The following CPSF3 variants were observed in gnomAD, a reference collection of about 807,000 sequenced individuals.
CPSF3 encodes cleavage and polyadenylation specific factor 3.
CPSF3 carries 57 observed loss-of-function variants against 84.1 expected under a neutral mutation model. The observed-to-expected ratio is 0.68, with a 90% confidence interval of 0.55 to 0.85. CPSF3 has a LOEUF of 0.85. Ranked by LOEUF, CPSF3 falls within the 40% of genes least tolerant of loss-of-function variation. The pLI, the probability that CPSF3 is intolerant of heterozygous loss-of-function variation, is 0.00. For synonymous variants in CPSF3, 275 were observed against 278.1 expected (o/e 0.99, Z 0.11); for missense variants, 522 against 838.8 (o/e 0.62, Z 4.66).
intron 14 of CPSF3, among the ~76,000 whole-genome samples, chr2:9,457,427 C>T (rs2124852658): frequency 6.6e-6 from 1 of 152,144 alleles, no homozygotes; most frequent in East Asian, 1.9e-4. Context: ...TTAGGTACCA[C>T]TCGTTAAAAG....
At position 9,423,756 on chromosome 2, in the gene CPSF3, C is replaced by T. The variant is rs192112595; in HGVS notation, c.-18C>T. The T allele has an allele frequency of 8.2e-5, 133 of 1,613,014 alleles. No homozygotes were observed. Among genetic ancestry groups the T allele is most frequent in the Non-Finnish European group, 1.1e-4 (127 of 1,179,510 alleles). The stretch of plus-strand genomic sequence containing the variant: ...GGCGACCTGTTCCTCACCCCCGCTT[C>T]GCCCTCACACTTTCGGGATGTCTGC... On this transcript the variant is annotated 5_prime_UTR_variant, in exon 1 of 18. Coordinates refer to ENST00000238112, the MANE Select transcript of CPSF3 (RefSeq NM_016207.4).
intron 16 of CPSF3, among the ~76,000 whole-genome samples, chr2:9,470,271 C>T (rs1415916470): frequency 6.6e-6 from 1 of 152,080 alleles, no homozygotes; most frequent in African/African-American, 2.4e-5. Context: ...GCTAGGGTCC[C>T]ACCTAAGTTT....
chr2:9,447,422 T>C (rs1572786547), intron 10 of CPSF3, among the ~76,000 whole-genome samples: 1 of 151,872 alleles, frequency 6.6e-6, no homozygotes, highest in Non-Finnish European at 1.5e-5. Context: ...GAGGCTGCAG[T>C]GAGCCATGAT....
chr2:9,456,674 G>T (rs1681542046), intron 13 of CPSF3, among the ~76,000 whole-genome samples: 1 of 152,218 alleles, frequency 6.6e-6, no homozygotes, highest in African/African-American at 2.4e-5. Context: ...ACAAAAGATA[G>T]ATGTTTGAGC....
intron 15 of CPSF3, among the ~76,000 whole-genome samples, chr2:9,464,069 ATG>A (rs59473921): frequency 6.9e-4 from 103 of 148,632 alleles, no homozygotes; most frequent in Middle Eastern, 3.5e-3. Context: ...TCTGTGGTGT[ATG>A]TGTGTGTGTG....
chr2:9,428,736 C>T (rs199919455), intron 1 of CPSF3, 29 bp from the exon 2 acceptor site: 27 of 1,521,658 alleles, frequency 1.8e-5, no homozygotes, highest in Non-Finnish European at 2.3e-5. Flanking sequence ...TTTTTTAATC[C>T]TTCTTTTTCT....
intron 15 of CPSF3, among the ~76,000 whole-genome samples, chr2:9,467,291 A>G (rs1348517852): frequency 6.6e-6 from 1 of 152,162 alleles, no homozygotes; most frequent in African/African-American, 2.4e-5. Flanking sequence ...CTAAATTTAT[A>G]TCACATTTTA....
intron 3 of CPSF3, among the ~76,000 whole-genome samples, chr2:9,430,347 A>T (rs971627779): frequency 2.6e-5 from 4 of 152,210 alleles, no homozygotes; most frequent in Non-Finnish European, 5.9e-5. Flanking sequence ...ATTCTTCTAT[A>T]AGAACGCCAT....
At chr2:9,430,680 A>G in intron 3 of CPSF3, 72 bp from the exon 4 acceptor site, 1 of 1,435,092 alleles carries the variant, frequency 7.0e-7, no homozygotes, top group Non-Finnish European at 9.5e-7. Flanking sequence ...TTGTACAGTA[A>G]GCAACAGTTT....
chr2:9,431,839 C>T (rs375318944), intron 4 of CPSF3, among the ~76,000 whole-genome samples: 4 of 152,130 alleles, frequency 2.6e-5, no homozygotes, highest in African/African-American at 4.8e-5. Flanking sequence ...GGTTGAGCCA[C>T]CGCACCCAGC....
At chr2:9,461,594 C>CGG (rs564068520) in intron 15 of CPSF3, among the ~76,000 whole-genome samples, 1 of 151,482 alleles carries the variant, frequency 6.6e-6, no homozygotes, top group Non-Finnish European at 1.5e-5. Context: ...TGCTTGAAAC[C>CGG]GGGGGGCGGA....
intron 15 of CPSF3, among the ~76,000 whole-genome samples, chr2:9,462,049 C>T (rs564031946): frequency 1.8e-4 from 27 of 152,198 alleles, no homozygotes; most frequent in African/African-American, 5.3e-4. Flanking sequence ...CTTCAGCCAC[C>T]GTGCCGGGCC....
intron 1 of CPSF3, chr2:9,424,588 T>A (rs1279040254): frequency 2.0e-5 from 3 of 152,222 alleles, no homozygotes; most frequent in Non-Finnish European, 4.4e-5. Context: ...TTCCAAAAGG[T>A]AGAAAGTATC....
intron 7 of CPSF3, among the ~76,000 whole-genome samples, chr2:9,436,737 C>G (rs538908223): frequency 3.9e-4 from 55 of 142,538 alleles, no homozygotes; most frequent in Non-Finnish European, 7.0e-4. Context: ...CGCCACTGCA[C>G]TCCAGCCTGG....
chr2:9,438,553 G>A (rs1385215055), intron 7 of CPSF3, among the ~76,000 whole-genome samples: 2 of 142,546 alleles, frequency 1.4e-5, no homozygotes, highest in Non-Finnish European at 3.0e-5. Context: ...AGGCTGGAGT[G>A]TGGTGGCGCT....
chr2:9,442,855 AAAAAAAAAG>A (rs1019774649), intron 9 of CPSF3, among the ~76,000 whole-genome samples: 1 of 151,172 alleles, frequency 6.6e-6, no homozygotes, highest in Non-Finnish European at 1.5e-5. Context: ...TCCATCTCCA[AAAAAAAAAG>A]AAAAAAAAAA....
chr2:9,459,637 C>CA lies in CPSF3; in HGVS notation c.1786+19_1786+20insA. 2.2e-6 allele frequency: 1 copy of CA among 464,326 alleles called. No individual in the cohort carries two copies. Among genetic ancestry groups the CA allele is most frequent in the Non-Finnish European group, 3.4e-6 (1 of 297,124 alleles). The allele number at this position is 464,326 out of a possible 1,614,324, so 28.8% of individuals were successfully genotyped here. A position where few individuals can be genotyped will look rare whatever the true frequency, so the allele number is the denominator to read the frequency against. On this transcript the variant is annotated intron_variant, in intron 15 of 17. Coordinates refer to ENST00000238112, the MANE Select transcript of CPSF3 (RefSeq NM_016207.4). ...AGAAAAGGTAAGAGTTCATTTTTATCCTTTTTTTTTTTTTTTTTTTTTTTT... is the reference window on the plus strand; with the variant it reads ...AGAAAAGGTAAGAGTTCATTTTTATCACTTTTTTTTTTTTTTTTTTTTTTTT...
rs566832519 is a variant in CPSF3, at chr2:9,454,964, T to G, written c.1505-695T>G. Among the ~76,000 whole-genome samples, 6 of 152,156 alleles carry G rather than the reference T, an allele frequency of 3.9e-5. No homozygotes were observed. The South Asian group carries it at 1.2e-3, about 32-fold the overall frequency. The stretch of plus-strand genomic sequence containing the variant: ...GGCATATAGAAGCTCATGATACATA[T>G]GTGAAGAGAAACTGTGCACCTCAGG... On this transcript the variant is annotated intron_variant, in intron 12 of 17. Transcript: ENST00000238112.
chr2:9,455,779 C>T, intron 13 of CPSF3, 22 bp downstream of exon 13: 3 of 1,491,428 alleles, frequency 2.0e-6, no homozygotes, highest in Non-Finnish European at 2.8e-6. Flanking sequence ...TACTGAAATT[C>T]ATTTCATTGT....
Sources: allele counts gnomAD v4.1 joint callset (sites outside exome capture counted in the v4.1 genomes callset), GRCh38; gene constraint gnomAD v4.1.1; transcripts MANE v1.5; gene names NCBI Gene and HGNC (gene_info 2026-07-23, HGNC 2026-07-21).